The following NPAS3 variants were observed in gnomAD, a reference collection of about 807,000 sequenced individuals.
NPAS3 encodes the protein neuronal PAS domain protein 3.
In NPAS3, 14 loss-of-function variants were observed where a neutral mutation model predicts 73.1. That is an observed-to-expected ratio of 0.19 (90% CI 0.13 to 0.30). The LOEUF (loss-of-function observed/expected upper bound fraction) is 0.30, where lower values mean the gene tolerates loss of function less well. Ranked by LOEUF, NPAS3 falls within the 10% of genes least tolerant of loss-of-function variation. The pLI, the probability that NPAS3 is intolerant of heterozygous loss-of-function variation, is 1.00. For synonymous variants in NPAS3, 620 were observed against 541.5 expected (o/e 1.14, Z -2.01); for missense variants, 1,096 against 1,250.0 (o/e 0.88, Z 1.86).
chr14:33,379,719 A>G (rs1489689874), intron 4 of NPAS3, among the ~76,000 whole-genome samples: 1 of 152,164 alleles, frequency 6.6e-6, no homozygotes, highest in South Asian at 2.1e-4. Context: ...GATAATGTGC[A>G]TCGTTTCTCA....
chr14:33,648,122 C>A (rs895735529), intron 5 of NPAS3, among the ~76,000 whole-genome samples: 1 of 152,162 alleles, frequency 6.6e-6, no homozygotes, highest in Non-Finnish European at 1.5e-5. Context: ...GAGAAGGGAA[C>A]AGATCGAGAC....
rs546558385 is a variant in NPAS3 at position 33,271,728 on chromosome 14, A to G, written c.385+56302A>G. On this transcript the variant is annotated intron_variant, in intron 3 of 11. Transcript: ENST00000356141. ...CACTTACTAGAGCAGTATTAGCATA[A>G]TTAAATTAGCACTTTTCTATCTCAC... Among the ~76,000 whole-genome samples, 23 of 152,276 alleles carry G rather than the reference A, an allele frequency of 1.5e-4. 1 individual carries two copies. In the East Asian group the frequency reaches 4.2e-3, roughly 28 times the overall value.
intron 2 of NPAS3, among the ~76,000 whole-genome samples, chr14:33,104,881 T>C (rs758988722): frequency 2.6e-5 from 4 of 152,202 alleles, no homozygotes; most frequent in Non-Finnish European, 4.4e-5. Flanking sequence ...TTGGTTTGTT[T>C]GGCTTTCCAG....
In NPAS3 at chr14:33,346,527, C is replaced by CAAAA. The variant is rs33926266; in HGVS notation, c.386-20640_386-20637dup. Among the ~76,000 whole-genome samples, 531 of 70,844 alleles carry CAAAA rather than the reference C, an allele frequency of 7.5e-3. 36 individuals are homozygous for CAAAA. In the East Asian group the frequency reaches 0.16, roughly 22 times the overall value. 46.5% of individuals were successfully genotyped at this position (70,844 alleles called of 152,430 possible). A position where few individuals can be genotyped will look rare whatever the true frequency, so the allele number is the denominator to read the frequency against. ...TGGATGACACAGTGAGACCCTGTCT[C>CAAAA]AAAAAAAAAAAAAAAAAAAAAAGGA... is the stretch of plus-strand genomic sequence containing the variant. On this transcript the variant is annotated intron_variant, in intron 3 of 11. Coordinates refer to ENST00000356141, the Ensembl canonical transcript of NPAS3.
At chr14:33,608,401 T>A (rs959958147) in intron 5 of NPAS3, 3 of 152,198 alleles carry the variant, frequency 2.0e-5, no homozygotes, top group African/African-American at 7.2e-5. Context: ...AGTATGCAGA[T>A]GTGAGGATGT....
At chr14:33,494,489 G>A (rs78558742) in intron 4 of NPAS3, among the ~76,000 whole-genome samples, 2,497 of 152,204 alleles carry the variant, frequency 0.016, 59 homozygotes, top group African/African-American at 0.057. Flanking sequence ...GAACCTCAGT[G>A]TCTCAAAACA....
chr14:33,670,851 G>T (rs1368821981), intron 5 of NPAS3, among the ~76,000 whole-genome samples: 2 of 150,748 alleles, frequency 1.3e-5, no homozygotes, highest in Non-Finnish European at 3.0e-5. Context: ...AAGGGAGTGG[G>T]GCCTGGATGC....
At chr14:33,531,306 A>C (rs1169367279) in intron 4 of NPAS3, among the ~76,000 whole-genome samples, 5 of 152,130 alleles carry the variant, frequency 3.3e-5, no homozygotes, top group South Asian at 2.1e-4. Flanking sequence ...CACAATCTAC[A>C]TACAGAAAAG....
intron 1 of NPAS3, among the ~76,000 whole-genome samples, chr14:33,047,814 C>T (rs1476631995): frequency 6.6e-6 from 1 of 152,122 alleles, no homozygotes; most frequent in Non-Finnish European, 1.5e-5. Flanking sequence ...ATCTGCATGC[C>T]TCTCCACCTT....
At chr14:33,413,585 C>T (rs1432998043) in intron 4 of NPAS3, among the ~76,000 whole-genome samples, 1 of 152,162 alleles carries the variant, frequency 6.6e-6, no homozygotes, top group Non-Finnish European at 1.5e-5. Flanking sequence ...CAGTAAAATG[C>T]ATCAGCACTG....
At chr14:33,007,807 A>G (rs2039049638) in intron 1 of NPAS3, among the ~76,000 whole-genome samples, 1 of 152,246 alleles carries the variant, frequency 6.6e-6, no homozygotes. Flanking sequence ...CTCTGTCACA[A>G]CCATTCAGCT....
intron 3 of NPAS3, among the ~76,000 whole-genome samples, chr14:33,223,483 T>C (rs952882402): frequency 1.3e-5 from 2 of 152,160 alleles, no homozygotes; most frequent in Non-Finnish European, 2.9e-5. Flanking sequence ...TACATAATGG[T>C]ATGACAGCTT....
intron 5 of NPAS3, among the ~76,000 whole-genome samples, chr14:33,650,531 G>A (rs922824349): frequency 3.9e-5 from 6 of 152,186 alleles, no homozygotes; most frequent in African/African-American, 1.4e-4. Flanking sequence ...GCTTTGGAGG[G>A]TCATCATACA....
intron 5 of NPAS3, among the ~76,000 whole-genome samples, chr14:33,648,018 A>G (rs1476100481): frequency 6.6e-6 from 1 of 152,144 alleles, no homozygotes; most frequent in African/African-American, 2.4e-5. Flanking sequence ...GTGATAACCT[A>G]TTTAACCTCC....
intron 4 of NPAS3, among the ~76,000 whole-genome samples, chr14:33,519,922 C>T (rs556416043): frequency 6.6e-6 from 1 of 152,212 alleles, no homozygotes; most frequent in African/African-American, 2.4e-5. Context: ...GATCCCATCT[C>T]AGAATCTCAC....
chr14:33,628,917 C>G (rs1277842892), intron 5 of NPAS3, among the ~76,000 whole-genome samples: 3 of 152,158 alleles, frequency 2.0e-5, no homozygotes, highest in African/African-American at 7.2e-5. Context: ...CATGAACATC[C>G]AATGCATAGT....
At chr14:33,051,296 A>AAAAAAAAAAAAAGAG (rs771840433) in intron 1 of NPAS3, among the ~76,000 whole-genome samples, 3 of 142,528 alleles carry the variant, frequency 2.1e-5, no homozygotes, top group African/African-American at 8.3e-5. Flanking sequence ...AAAAAAAAAA[A>AAAAAAAAAAAAAGAG]AGAGAGACTA....
At chr14:33,249,277 C>T (rs971981436) in intron 3 of NPAS3, among the ~76,000 whole-genome samples, 1 of 151,920 alleles carries the variant, frequency 6.6e-6, no homozygotes, top group Non-Finnish European at 1.5e-5. Context: ...TTCAAAGAGT[C>T]AAACTGAAGA....
At chr14:33,611,098 A>G (rs997236339) in intron 5 of NPAS3, 1 of 152,178 alleles carries the variant, frequency 6.6e-6, no homozygotes, top group African/African-American at 2.4e-5. Context: ...TCCTTCCTAC[A>G]TCGTTAATGT....
Sources: allele counts gnomAD v4.1 joint callset (sites outside exome capture counted in the v4.1 genomes callset), GRCh38; gene constraint gnomAD v4.1.1; transcripts MANE v1.5; gene names NCBI Gene and HGNC (gene_info 2026-07-23, HGNC 2026-07-21).